E2F7: variants seen among roughly 807,000 people sequenced by gnomAD.
E2F7 encodes the protein E2F transcription factor 7, also known as transcription factor E2F7.
A neutral mutation model predicts 81.1 loss-of-function variants in E2F7; 35 were observed. That is an observed-to-expected ratio of 0.43 (90% CI 0.33 to 0.57). E2F7 has a LOEUF of 0.57. E2F7 is among the 20% of genes least tolerant of loss of function. The pLI is 0.04. For missense variants in E2F7, 961 were observed against 1,093.7 expected (o/e 0.88, Z 1.71); for synonymous variants, 416 against 416.2 (o/e 1.00, Z 0.01).
At chr12:77,028,543 C>T (rs61932773) in intron 10 of E2F7, among the ~76,000 whole-genome samples, 39,179 of 150,972 alleles carry the variant, frequency 0.26, 5,296 homozygotes, top group East Asian at 0.5. Flanking sequence ...TCTCGGCTCA[C>T]TGCAAGCTCT....
intron 9 of E2F7, among the ~76,000 whole-genome samples, chr12:77,031,219 A>C (rs1331916028): frequency 2.6e-5 from 4 of 151,998 alleles, no homozygotes; most frequent in Non-Finnish European, 5.9e-5. Context: ...TCTCTAAAAT[A>C]AGAAAATGAA....
intron 8 of E2F7, 62 bp from the exon 9 acceptor site, chr12:77,033,184 C>A (rs1056862887): frequency 2.2e-6 from 3 of 1,389,098 alleles, no homozygotes; most frequent in African/African-American, 2.9e-5. Flanking sequence ...CAACTATATA[C>A]TGAGAATTAT....
intron 7 of E2F7, among the ~76,000 whole-genome samples, chr12:77,035,503 T>C (rs1165365490): frequency 6.6e-6 from 1 of 152,188 alleles, no homozygotes; most frequent in Admixed American, 6.5e-5. Flanking sequence ...AAAAGGGTGT[T>C]GCCCCAGTAA....
At chr12:77,026,512 G>T (rs752633315) in intron 11 of E2F7, among the ~76,000 whole-genome samples, 1 of 151,798 alleles carries the variant, frequency 6.6e-6, no homozygotes, top group Non-Finnish European at 1.5e-5. Flanking sequence ...TATGTTGCCC[G>T]GCTGGTGTCA....
intron 3 of E2F7, among the ~76,000 whole-genome samples, chr12:77,054,931 C>T (rs983917645): frequency 2.0e-5 from 3 of 152,212 alleles, no homozygotes; most frequent in African/African-American, 7.2e-5. Flanking sequence ...ATATCCCCAA[C>T]TCACCCAGCT....
intron 11 of E2F7, among the ~76,000 whole-genome samples, chr12:77,027,007 A>G (rs1337454202): frequency 1.3e-5 from 2 of 152,214 alleles, no homozygotes; most frequent in South Asian, 4.1e-4. Context: ...TGTAATTTTC[A>G]TTCAGCAGGG....
In E2F7 at chr12:77,025,963, T is replaced by G; in HGVS notation, c.2160A>C (p.Val720=). The G allele has an allele frequency of 6.2e-7, 1 of 1,611,146 alleles. No individual in the cohort carries two copies. Among genetic ancestry groups the G allele is most frequent in the Non-Finnish European group, 8.5e-7 (1 of 1,178,676 alleles). ...GGGGGGTTTGACTGCCAGATAAAAG[T>G]ACATTGAAACCATTTAATCCTGAAA... ...QSPAGLNGFN[V]LLSGSQTPPT... The change falls in exon 12 of 13, where the codon GTA becomes GTC. Residue 720 remains valine (V), a synonymous_variant. Transcript: ENST00000322886.
intron 3 of E2F7, among the ~76,000 whole-genome samples, chr12:77,055,122 C>T (rs1342998717): frequency 6.6e-6 from 1 of 152,222 alleles, no homozygotes; most frequent in Non-Finnish European, 1.5e-5. Flanking sequence ...TCTCTTACTA[C>T]TACCGCTACT....
chr12:77,023,847 T>G lies in E2F7; in HGVS notation c.*168A>C. The G allele has an allele frequency of 1.2e-6, 1 of 817,666 alleles. No individual in the cohort carries two copies. Among genetic ancestry groups the G allele is most frequent in the Non-Finnish European group, 1.9e-6 (1 of 536,450 alleles). The allele number at this position is 817,666 out of a possible 1,614,324, so 50.7% of individuals were successfully genotyped here. A position where few individuals can be genotyped will look rare whatever the true frequency, so the allele number is the denominator to read the frequency against. ...CTCTAACTGGTATTAAATGCACAAT[T>G]AATTACTTTCAGGAAATCAGATGAT... On this transcript the variant is annotated 3_prime_UTR_variant, in exon 13 of 13. Transcript: ENST00000322886.
chr12:77,025,837 A>T lies in E2F7; in HGVS notation c.2286T>A (p.Pro762=), dbSNP rs148994993. Residue 762 remains proline, a synonymous_variant, in exon 12 of 13, where the codon CCT becomes CCA. Transcript: ENST00000322886. Reference sequence around the variant, plus strand: ...TAGAAGAAACCGGGCCCGGCATTGCAGGAGAATAGAGAACAGGAAAAGGGC... The same window carrying T: ...TAGAAGAAACCGGGCCCGGCATTGCTGGAGAATAGAGAACAGGAAAAGGGC... ...PLGPFPVLYS[P]AMPGPVSSTL... is the part of the protein sequence containing the mutation. The T allele has an allele frequency of 6.8e-5, 109 of 1,614,074 alleles. No homozygotes were observed. The African/African-American group carries it at 1.3e-3, about 20-fold the overall frequency.
At chr12:77,049,349 C>T (rs146489111) in intron 4 of E2F7, among the ~76,000 whole-genome samples, 107 of 152,260 alleles carry the variant, frequency 7.0e-4, no homozygotes, top group African/African-American at 2.5e-3. Context: ...CATTCTACTT[C>T]CTCTTCCTAT....
chr12:77,027,917 A>C lies in E2F7; in HGVS notation c.2106T>G (p.Ser702=). The C allele has an allele frequency of 6.2e-7, 1 of 1,614,222 alleles. No homozygotes were observed. Among genetic ancestry groups the C allele is most frequent in the Non-Finnish European group, 8.5e-7 (1 of 1,180,036 alleles). The change falls in exon 11 of 13, where the codon TCT becomes TCG. Residue 702 remains serine, a synonymous_variant. Transcript: ENST00000322886. ...SKENESTKEP[S]LLQYLCVQSP... The stretch of plus-strand genomic sequence containing the variant: ...ACTGCACACAAAGATATTGTAGCAA[A>C]GAAGGCTCTTTGGTGCTTTCATTTT...
Position 77,030,105 on chromosome 12 carries a change from T to C in E2F7, c.1610A>G (p.Lys537Arg), listed in dbSNP as rs1592554700. ...ASAASAVESL[K>R]PALLAGQPLV... is the part of the protein sequence containing the mutation. The stretch of plus-strand genomic sequence containing the variant: ...AGGCTGGCCAGCAAGGAGTGCTGGC[T>C]TCAGGCTCTCCACAGCAGAGGCTGC... Residue 537 changes from lysine to arginine, a missense_variant, in exon 10 of 13, where the codon AAG (lysine) becomes AGG (arginine). By Grantham distance (26) the Lys-to-Arg change is conservative. Around this residue, in one of 3 missense-constraint regions of E2F7, gnomAD observed 587 missense variants for 620.3 expected, o/e 0.95. Transcript: ENST00000322886. The C allele has an allele frequency of 1.9e-6, 3 of 1,614,194 alleles. No homozygotes were observed. The highest frequency in any genetic ancestry group is 1.3e-5 in the African/African-American group (1 of 75,052).
chr12:77,031,811 G>A (rs1207529830), intron 9 of E2F7, among the ~76,000 whole-genome samples: 1 of 152,124 alleles, frequency 6.6e-6, no homozygotes, highest in African/African-American at 2.4e-5. Flanking sequence ...ATAAAATGCA[G>A]TACCCTGGGC....
chr12:77,028,522 C>T (rs1227980272), intron 10 of E2F7, among the ~76,000 whole-genome samples: 8 of 150,188 alleles, frequency 5.3e-5, no homozygotes, highest in Non-Finnish European at 1.2e-4. Context: ...GGCTGGAGTG[C>T]AGTGGCGCGA....
chr12:77,021,801 A>T lies in E2F7; in HGVS notation c.*2214T>A, dbSNP rs1171567646. 6.6e-6 allele frequency: 1 copy of T among 152,248 alleles called. No individual in the cohort carries two copies. The highest frequency in any genetic ancestry group is 1.5e-5 in the Non-Finnish European group (1 of 68,030). 9.4% of individuals were successfully genotyped at this position (152,248 alleles called of 1,614,324 possible). ...TATCCAAGTCTAGCGCAGCAGCTTCAATTCCACCAGTTGTTCTGTAAGATT... is the reference window on the plus strand; with the variant it reads ...TATCCAAGTCTAGCGCAGCAGCTTCTATTCCACCAGTTGTTCTGTAAGATT... On this transcript the variant is annotated 3_prime_UTR_variant, in exon 13 of 13. Coordinates refer to ENST00000322886, the MANE Select transcript of E2F7 (RefSeq NM_203394.3).
chr12:77,044,329 C>A, intron 6 of E2F7: 1 of 501,970 alleles, frequency 2.0e-6, no homozygotes, highest in South Asian at 1.6e-5. Flanking sequence ...GACATTCTGT[C>A]TTGGATGCAG....
At position 77,046,051 on chromosome 12, in the gene E2F7, G is replaced by A. The variant is rs148199367; in HGVS notation, c.816C>T (p.Pro272=). ...QEQQLLDFSE[P]DCPSSSANSR... is the part of the protein sequence containing the mutation. ...CAATGGACTCACAAGAGGGACAGTC[G>A]GGTTCAGAGAAATCCAGTAACTGTT... The change falls in exon 5 of 13, where the codon CCC becomes CCT. Residue 272 remains proline (P), a synonymous_variant. Transcript: ENST00000322886. The A allele has an allele frequency of 3.6e-4, 581 of 1,613,852 alleles. 3 individuals are homozygous for A. The South Asian group carries it at 4.9e-3, about 14-fold the overall frequency.
rs764740959 is a variant in E2F7 at position 77,046,035 on chromosome 12, C to T, written c.829+3G>A. The T allele has an allele frequency of 1.9e-6, 3 of 1,611,994 alleles. No individual in the cohort carries two copies. Among genetic ancestry groups the T allele is most frequent in the Non-Finnish European group, 2.5e-6 (3 of 1,178,866 alleles). On this transcript the variant is annotated splice_donor_region_variant and intron_variant, in intron 5 of 12. Coordinates refer to ENST00000322886, the MANE Select transcript of E2F7 (RefSeq NM_203394.3). ...ATTACTCATGAAGTTACAATGGACT[C>T]ACAAGAGGGACAGTCGGGTTCAGAG...
Sources: gnomAD v4.1 joint callset for allele counts (sites outside exome capture counted in the v4.1 genomes callset) on GRCh38, gnomAD v4.1.1 for gene constraint, gnomAD v4.1.1 regional missense constraint, MANE v1.5 for transcripts, NCBI Gene and HGNC (gene_info 2026-07-23, HGNC 2026-07-21) for gene names.